The following DMGDH variants were observed in gnomAD, a reference collection of about 807,000 sequenced individuals.
DMGDH encodes dimethylglycine dehydrogenase, mitochondrial.
Under a neutral mutation model 95.2 loss-of-function variants are expected in DMGDH, and 76 were observed. The observed-to-expected ratio is 0.80, with a 90% confidence interval of 0.66 to 0.97. DMGDH has a LOEUF of 0.97. Ranked by LOEUF, DMGDH falls within the 50% of genes least tolerant of loss-of-function variation. The pLI is 0.00. For synonymous variants in DMGDH, 345 were observed against 377.6 expected (o/e 0.91, Z 1.00); for missense variants, 987 against 1,055.0 (o/e 0.94, Z 0.89).
intron 14 of DMGDH, 133 bp from the exon 15 acceptor site, chr5:79,005,540 T>C (rs41272266): frequency 8.0e-6 from 10 of 1,248,026 alleles, no homozygotes; most frequent in Middle Eastern, 2.0e-4. Flanking sequence ...GATCGGATCA[T>C]ATGTCTAGAC....
chr5:79,030,392 C>T lies in DMGDH; in HGVS notation c.1684-358G>A, dbSNP rs922651427. ...GTAGGCTGGGTGTGGTGGCTCATAC[C>T]TGTAATCCCAGCACTTTGGGAGGCT... On this transcript the variant is annotated intron_variant, in intron 10 of 15. Coordinates refer to ENST00000255189, the MANE Select transcript of DMGDH (RefSeq NM_013391.3). 34 of 259,942 alleles carry T rather than the reference C, an allele frequency of 1.3e-4. 2 individuals are homozygous for T. The South Asian group carries it at 1.5e-3, about 12-fold the overall frequency. The allele number at this position is 259,942 out of a possible 1,614,324, so 16.1% of individuals were successfully genotyped here.
At chr5:78,998,812 T>C (rs1000822017) in intron 15 of DMGDH, among the ~76,000 whole-genome samples, 8 of 152,080 alleles carry the variant, frequency 5.3e-5, no homozygotes, top group African/African-American at 1.9e-4. Context: ...ATCTGGCCAC[T>C]GCACTCCAGC....
intron 15 of DMGDH, chr5:79,000,524 A>T: frequency 1.7e-6 from 1 of 594,128 alleles, no homozygotes; most frequent in Non-Finnish European, 3.3e-6. Context: ...TCAATCAGAG[A>T]TAATTCTATT....
intron 5 of DMGDH, among the ~76,000 whole-genome samples, chr5:79,044,994 A>C (rs1754631290): frequency 6.6e-6 from 1 of 152,194 alleles, no homozygotes; most frequent in African/African-American, 2.4e-5. Flanking sequence ...ATACATAATG[A>C]TATACCTAAG....
At chr5:79,065,307 G>T (rs971167266) in intron 1 of DMGDH, among the ~76,000 whole-genome samples, 1 of 150,172 alleles carries the variant, frequency 6.7e-6, no homozygotes, top group African/African-American at 2.4e-5. Context: ...CACCCCCAAG[G>T]TTGAAGCGAT....
At chr5:79,050,562 T>G (rs1754824630) in intron 5 of DMGDH, among the ~76,000 whole-genome samples, 1 of 152,182 alleles carries the variant, frequency 6.6e-6, no homozygotes, top group African/African-American at 2.4e-5. Flanking sequence ...GCATGTGTGA[T>G]ACTTGAAAAT....
chr5:79,032,608 A>G (rs954569146), intron 9 of DMGDH, 79 bp downstream of exon 9: 42 of 1,581,178 alleles, frequency 2.7e-5, no homozygotes, highest in Non-Finnish European at 3.5e-5. Context: ...ATGGAGTGTA[A>G]GGCAGAATCA....
chr5:79,036,919 G>T (rs1398269981), intron 7 of DMGDH, among the ~76,000 whole-genome samples: 5 of 151,928 alleles, frequency 3.3e-5, no homozygotes, highest in Non-Finnish European at 7.4e-5. Context: ...AAATACTTTG[G>T]GAAGTACTTA....
At chr5:79,005,570 A>G (rs1753533794) in intron 14 of DMGDH, among the ~76,000 whole-genome samples, 163 bp from the exon 15 acceptor site, 1 of 152,190 alleles carries the variant, frequency 6.6e-6, no homozygotes, top group Non-Finnish European at 1.5e-5. Flanking sequence ...TTAGTCCTCA[A>G]ATGAGAGTAT....
At chr5:79,002,416 T>C (rs1035410801) in intron 15 of DMGDH, among the ~76,000 whole-genome samples, 1 of 152,196 alleles carries the variant, frequency 6.6e-6, no homozygotes, top group African/African-American at 2.4e-5. Flanking sequence ...TTATAATCCC[T>C]TTCTCCAGCA....
intron 1 of DMGDH, among the ~76,000 whole-genome samples, chr5:79,064,930 G>C (rs940854901): frequency 6.6e-6 from 1 of 151,730 alleles, no homozygotes; most frequent in Non-Finnish European, 1.5e-5. Context: ...TTGTGTTTTT[G>C]GTAGAGATGA....
chr5:79,048,161 T>C (rs1331838699), intron 5 of DMGDH, among the ~76,000 whole-genome samples: 2 of 152,170 alleles, frequency 1.3e-5, no homozygotes, highest in South Asian at 2.1e-4. Context: ...TTTTTTTTAC[T>C]GCTTTCTACC....
intron 5 of DMGDH, among the ~76,000 whole-genome samples, chr5:79,049,569 G>T (rs1175104911): frequency 2.0e-5 from 3 of 152,146 alleles, no homozygotes; most frequent in African/African-American, 7.2e-5. Flanking sequence ...TGTTTTTAGG[G>T]CCTGAATTCA....
chr5:79,066,135 C>A (rs1032018455), intron 1 of DMGDH, among the ~76,000 whole-genome samples: 1 of 152,092 alleles, frequency 6.6e-6, no homozygotes, highest in African/African-American at 2.4e-5. Flanking sequence ...TAAATTTAAT[C>A]AATTATTCCA....
chr5:79,056,158 A>G (rs1755027051), intron 2 of DMGDH, among the ~76,000 whole-genome samples: 1 of 152,208 alleles, frequency 6.6e-6, no homozygotes, highest in Non-Finnish European at 1.5e-5. Flanking sequence ...TTAAGTCCCT[A>G]CAAGTTAACA....
At chr5:79,031,402 G>A (rs1256613099) in intron 9 of DMGDH, among the ~76,000 whole-genome samples, 1 of 152,204 alleles carries the variant, frequency 6.6e-6, no homozygotes, top group Non-Finnish European at 1.5e-5. Flanking sequence ...GTTGGGAGGC[G>A]GGGTGGAGCT....
At chr5:79,024,438 C>T (rs183648971) in intron 13 of DMGDH, 108 bp from the exon 14 acceptor site, 35 of 1,117,612 alleles carry the variant, frequency 3.1e-5, no homozygotes, top group Non-Finnish European at 4.4e-5. Context: ...TTTTTCAACA[C>T]AGATTCTAAA....
intron 7 of DMGDH, among the ~76,000 whole-genome samples, chr5:79,041,982 G>A (rs757206802): frequency 1.3e-5 from 2 of 152,024 alleles, no homozygotes; most frequent in South Asian, 2.1e-4. Flanking sequence ...CCTGGGCAAC[G>A]AGAGCAAAAC....
chr5:79,044,662 G>A lies in DMGDH; in HGVS notation c.746-110C>T, dbSNP rs1754618433. 5 of 1,234,226 alleles carry A rather than the reference G, an allele frequency of 4.1e-6. No homozygotes were observed. In the South Asian group the frequency reaches 5.2e-5, roughly 13 times the overall value. The allele number at this position is 1,234,226 out of a possible 1,614,324, so 76.5% of individuals were successfully genotyped here. ...ATGTTTAGAAGGCTTAAGTACTCAT[G>A]GCAAAGTCTAATAAATGTCATAACA... On this transcript the variant is annotated intron_variant, in intron 5 of 15. Coordinates refer to ENST00000255189, the MANE Select transcript of DMGDH (RefSeq NM_013391.3).
Sources: gnomAD v4.1 joint callset for allele counts (sites outside exome capture counted in the v4.1 genomes callset) on GRCh38, gnomAD v4.1.1 for gene constraint, MANE v1.5 for transcripts, NCBI Gene and HGNC (gene_info 2026-07-23, HGNC 2026-07-21) for gene names.